Variants in AGBL1 observed in about 807,000 individuals in gnomAD.
AGBL1 encodes AGBL carboxypeptidase 1.
Under a neutral mutation model 118.9 loss-of-function variants are expected in AGBL1, and 130 were observed. That is an observed-to-expected ratio of 1.09 (90% CI 0.95 to 1.26). The LOEUF (loss-of-function observed/expected upper bound fraction) is 1.26, where lower values mean the gene tolerates loss of function less well. AGBL1 is among the 50% of genes most tolerant of loss of function. AGBL1 has a pLI of 0.00. For missense variants in AGBL1, 1,584 were observed against 1,298.1 expected (o/e 1.22, Z -3.38); for synonymous variants, 555 against 478.9 (o/e 1.16, Z -2.08).
chr15:86,734,737 A>T (rs1042196603), intron 22 of AGBL1, among the ~76,000 whole-genome samples: 4 of 152,214 alleles, frequency 2.6e-5, no homozygotes, highest in African/African-American at 9.6e-5. Context: ...TGATGAGGCC[A>T]GATGACTCCT....
intron 21 of AGBL1, among the ~76,000 whole-genome samples, chr15:86,598,018 G>A (rs2084435956): frequency 1.3e-5 from 2 of 151,988 alleles, no homozygotes; most frequent in African/African-American, 2.4e-5. Flanking sequence ...TTCCTATGTG[G>A]GTCAGAGTTC....
intron 12 of AGBL1, 111 bp downstream of exon 12, chr15:86,266,568 A>C (rs2079075994): frequency 1.2e-5 from 10 of 804,184 alleles, no homozygotes; most frequent in Admixed American, 3.0e-5. Context: ...AAACAGCATG[A>C]TGAAAATCCA....
At chr15:86,985,999 C>T (rs920634622) in intron 23 of AGBL1, among the ~76,000 whole-genome samples, 1 of 151,712 alleles carries the variant, frequency 6.6e-6, no homozygotes, top group Non-Finnish European at 1.5e-5. Context: ...TCCTGGCTCA[C>T]TGCAACTTCT....
intron 1 of AGBL1, among the ~76,000 whole-genome samples, chr15:86,100,544 A>C (rs1896652635): frequency 6.6e-6 from 1 of 151,864 alleles, no homozygotes; most frequent in Non-Finnish European, 1.5e-5. Context: ...CTCATTACTC[A>C]TTATTGGTCT....
chr15:86,672,498 C>T (rs965206629), intron 21 of AGBL1, among the ~76,000 whole-genome samples: 11 of 152,098 alleles, frequency 7.2e-5, no homozygotes, highest in African/African-American at 2.7e-4. Flanking sequence ...AATGTGTATG[C>T]GAGTGCTCCT....
intron 22 of AGBL1, among the ~76,000 whole-genome samples, chr15:86,890,853 G>T (rs1398665684): frequency 1.3e-5 from 2 of 152,082 alleles, no homozygotes; most frequent in Non-Finnish European, 2.9e-5. Context: ...TTTTGCTTAG[G>T]ATTATCTTTG....
At chr15:86,391,646 T>G (rs2141981221) in intron 17 of AGBL1, among the ~76,000 whole-genome samples, 1 of 139,164 alleles carries the variant, frequency 7.2e-6, no homozygotes, top group South Asian at 2.5e-4. Flanking sequence ...GTTGGTTTTT[T>G]TTTTTTTTTT....
At chr15:86,700,864 A>T (rs1294853077) in intron 22 of AGBL1, among the ~76,000 whole-genome samples, 2 of 152,084 alleles carry the variant, frequency 1.3e-5, no homozygotes, top group Non-Finnish European at 2.9e-5. Flanking sequence ...CCAAGTGAAA[A>T]TGTTAGTGTT....
chr15:86,277,610 T>C (rs2079278157), intron 15 of AGBL1, among the ~76,000 whole-genome samples: 1 of 152,226 alleles, frequency 6.6e-6, no homozygotes, highest in South Asian at 2.1e-4. Flanking sequence ...TGAGTTTGCA[T>C]AGGCTAAATG....
At chr15:86,118,422 A>C (rs1897895483) in intron 1 of AGBL1, among the ~76,000 whole-genome samples, 2 of 151,942 alleles carry the variant, frequency 1.3e-5, no homozygotes, top group Non-Finnish European at 2.9e-5. Flanking sequence ...CACCACGTAC[A>C]CTGTTGGCCC....
intron 17 of AGBL1, among the ~76,000 whole-genome samples, chr15:86,352,500 G>A (rs1360532294): frequency 6.7e-6 from 1 of 149,006 alleles, no homozygotes; most frequent in African/African-American, 2.5e-5. Context: ...TTTTTGGAAT[G>A]GAGTCTTGGT....
chr15:86,461,944 C>G (rs1396191611), intron 18 of AGBL1, among the ~76,000 whole-genome samples: 2 of 152,284 alleles, frequency 1.3e-5, no homozygotes, highest in African/African-American at 2.4e-5. Flanking sequence ...TCCGTTGCTT[C>G]AAATCTTACC....
intron 21 of AGBL1, among the ~76,000 whole-genome samples, chr15:86,650,609 G>A (rs1025655488): frequency 6.6e-6 from 1 of 151,782 alleles, no homozygotes; most frequent in Non-Finnish European, 1.5e-5. Flanking sequence ...CTGAAAATAA[G>A]AGCAAAATAA....
chr15:86,257,116 G>A, intron 8 of AGBL1, 98 bp downstream of exon 8: 4 of 1,292,636 alleles, frequency 3.1e-6, no homozygotes, highest in Admixed American at 5.2e-5. Context: ...TTATTTTATA[G>A]GTCAACCATA....
intron 5 of AGBL1, among the ~76,000 whole-genome samples, chr15:86,219,369 G>T (rs140351210): frequency 1.8e-3 from 268 of 152,216 alleles, no homozygotes; most frequent in African/African-American, 5.9e-3. Context: ...TTACATTTCA[G>T]GGGCTCTAGT....
At chr15:86,164,480 A>G (rs2077309820) in intron 5 of AGBL1, among the ~76,000 whole-genome samples, 1 of 152,150 alleles carries the variant, frequency 6.6e-6, no homozygotes, top group African/African-American at 2.4e-5. Context: ...CCACGTCTCA[A>G]CACTTTCTGC....
intron 1 of AGBL1, among the ~76,000 whole-genome samples, chr15:86,136,803 A>C (rs1261657706): frequency 2.6e-5 from 4 of 152,176 alleles, no homozygotes; most frequent in African/African-American, 9.7e-5. Context: ...ACAGGGACAC[A>C]TAGAAGATTT....
At chr15:87,023,054 A>C (rs1457305427) in intron 24 of AGBL1, among the ~76,000 whole-genome samples, 2 of 152,060 alleles carry the variant, frequency 1.3e-5, no homozygotes, top group East Asian at 3.9e-4. Flanking sequence ...TAAAAATACC[A>C]TTTAAAAAAT....
chr15:86,695,349 C>T (rs1418999512), intron 22 of AGBL1, among the ~76,000 whole-genome samples: 1 of 151,910 alleles, frequency 6.6e-6, no homozygotes, highest in African/African-American at 2.4e-5. Context: ...AGAATTTATC[C>T]ATCTCCTCTA....
Sources: gnomAD v4.1 joint callset for allele counts (sites outside exome capture counted in the v4.1 genomes callset) on GRCh38, gnomAD v4.1.1 for gene constraint, MANE v1.5 for transcripts, NCBI Gene and HGNC (gene_info 2026-07-23, HGNC 2026-07-21) for gene names.